NEGR1: variants seen among roughly 807,000 people sequenced by gnomAD.
NEGR1 encodes IgLON family member 4.
Under a neutral mutation model 40.9 loss-of-function variants are expected in NEGR1, and 10 were observed. That is an observed-to-expected ratio of 0.24 (90% CI 0.15 to 0.42). The LOEUF (loss-of-function observed/expected upper bound fraction) is 0.42, where lower values mean the gene tolerates loss of function less well. Among genes scored for constraint, NEGR1 ranks in the 10% least tolerant of loss-of-function variants. NEGR1 has a pLI of 1.00. For missense variants in NEGR1, 352 were observed against 438.9 expected (o/e 0.80, Z 1.77); for synonymous variants, 185 against 166.8 (o/e 1.11, Z -0.84).
intron 6 of NEGR1, among the ~76,000 whole-genome samples, chr1:71,446,793 C>T (rs771758153): frequency 1.7e-4 from 26 of 152,204 alleles, no homozygotes; most frequent in Non-Finnish European, 2.1e-4. Context: ...GAAGTCACTA[C>T]GTCCCCCTTC....
At chr1:71,438,430 C>T (rs1329398036) in intron 6 of NEGR1, among the ~76,000 whole-genome samples, 1 of 152,082 alleles carries the variant, frequency 6.6e-6, no homozygotes, top group Non-Finnish European at 1.5e-5. Flanking sequence ...GTGCTGAAAG[C>T]TACTCTGCAT....
At chr1:72,078,618 C>G (rs1000262880) in intron 1 of NEGR1, among the ~76,000 whole-genome samples, 3 of 110,876 alleles carry the variant, frequency 2.7e-5, no homozygotes, top group Non-Finnish European at 6.1e-5. Flanking sequence ...ATCATATACA[C>G]TCATATATAT....
chr1:72,079,297 A>T (rs1312535949), intron 1 of NEGR1, among the ~76,000 whole-genome samples: 1 of 151,918 alleles, frequency 6.6e-6, no homozygotes, highest in Non-Finnish European at 1.5e-5. Context: ...AAGCTTCATA[A>T]ACAACTATCC....
intron 6 of NEGR1, among the ~76,000 whole-genome samples, chr1:71,549,085 C>T (rs534854928): frequency 6.6e-6 from 1 of 151,714 alleles, no homozygotes; most frequent in South Asian, 2.1e-4. Flanking sequence ...TCAGAGAAAC[C>T]ATCTGTGTCT....
At chr1:71,421,932 A>G (rs1392909747) in intron 6 of NEGR1, among the ~76,000 whole-genome samples, 1 of 149,960 alleles carries the variant, frequency 6.7e-6, no homozygotes, top group Non-Finnish European at 1.5e-5. Flanking sequence ...TTTTTTTTTA[A>G]GACAAAGGGA....
intron 5 of NEGR1, among the ~76,000 whole-genome samples, chr1:71,600,252 T>C (rs559732051): frequency 6.6e-6 from 1 of 152,260 alleles, no homozygotes; most frequent in African/African-American, 2.4e-5. Context: ...TCCAACAGAG[T>C]GTATCATTCA....
chr1:71,504,662 T>G (rs1647020962), intron 6 of NEGR1, among the ~76,000 whole-genome samples: 1 of 152,154 alleles, frequency 6.6e-6, no homozygotes, highest in Non-Finnish European at 1.5e-5. Context: ...CGTTTTTGAT[T>G]AATACTGGAG....
At chr1:71,708,736 C>T (rs905336209) in intron 3 of NEGR1, among the ~76,000 whole-genome samples, 2 of 152,136 alleles carry the variant, frequency 1.3e-5, no homozygotes, top group African/African-American at 4.8e-5. Context: ...AGCTATTCTT[C>T]CTGATGCTCC....
chr1:71,656,273 C>G (rs769427501), intron 4 of NEGR1, among the ~76,000 whole-genome samples: 6 of 152,306 alleles, frequency 3.9e-5, no homozygotes, highest in Non-Finnish European at 7.4e-5. Flanking sequence ...GAAGGAAAGA[C>G]AGTTCTGATG....
chr1:71,988,224 C>T (rs963959119), intron 1 of NEGR1, among the ~76,000 whole-genome samples: 5 of 151,970 alleles, frequency 3.3e-5, no homozygotes, highest in Non-Finnish European at 7.4e-5. Context: ...AGAACAGAGG[C>T]CAGAGACATC....
intron 2 of NEGR1, among the ~76,000 whole-genome samples, chr1:71,784,231 G>A (rs1271449343): frequency 6.6e-6 from 1 of 152,118 alleles, no homozygotes; most frequent in African/African-American, 2.4e-5. Flanking sequence ...CCAATAGTAT[G>A]TAGTGAGTTC....
rs182081095 is a variant in NEGR1, at chr1:71,435,560, T to C, written c.941-27990A>G. 3.9e-5 allele frequency among the ~76,000 whole-genome samples: 6 copies of C among 152,096 alleles called. No individual in the cohort carries two copies. In the East Asian group the frequency reaches 5.8e-4, roughly 15 times the overall value. ...AAAAAAAAGTCACAGAGACATTTAT[T>C]AGTAAGAAAGAGAATTGAGCAGCAA... On this transcript the variant is annotated intron_variant, in intron 6 of 6. Transcript: ENST00000357731.
intron 1 of NEGR1, among the ~76,000 whole-genome samples, chr1:72,040,673 G>T (rs975058886): frequency 6.7e-5 from 10 of 149,040 alleles, no homozygotes; most frequent in Admixed American, 2.7e-4. Flanking sequence ...GTTTGTGTGT[G>T]TATGTGTATG....
chr1:71,854,943 A>G (rs1332555920), intron 2 of NEGR1, among the ~76,000 whole-genome samples: 1 of 152,092 alleles, frequency 6.6e-6, no homozygotes, highest in Non-Finnish European at 1.5e-5. Context: ...TTAGGTATCA[A>G]AACAATGTCC....
At chr1:72,051,349 T>A (rs942147194) in intron 1 of NEGR1, among the ~76,000 whole-genome samples, 3 of 151,490 alleles carry the variant, frequency 2.0e-5, no homozygotes, top group Admixed American at 2.0e-4. Flanking sequence ...TAAATATATT[T>A]GTTTTAAGCA....
At chr1:71,870,602 T>A (rs1183643526) in intron 2 of NEGR1, among the ~76,000 whole-genome samples, 1 of 152,220 alleles carries the variant, frequency 6.6e-6, no homozygotes, top group Non-Finnish European at 1.5e-5. Context: ...CTGACTCATA[T>A]TCCTAATTCC....
intron 4 of NEGR1, among the ~76,000 whole-genome samples, chr1:71,686,023 A>T (rs1209017472): frequency 3.1e-5 from 3 of 97,168 alleles, no homozygotes; most frequent in Non-Finnish European, 6.2e-5. Flanking sequence ...CCTCAAAGGC[A>T]TGAGACTCAT....
chr1:71,898,964 C>T (rs1335584846), intron 2 of NEGR1, among the ~76,000 whole-genome samples: 2 of 95,936 alleles, frequency 2.1e-5, no homozygotes, highest in Non-Finnish European at 3.8e-5. Flanking sequence ...ATATATATAG[C>T]ATATATATAT....
rs150733574 is a variant in NEGR1 at position 72,273,260 on chromosome 1, A to G, written c.176+9059T>C. ...TTTTACAATTGAGTTATTCATCCAT[A>G]TTAACAGCAAATTCTTTCTACCTCT... On this transcript the variant is annotated intron_variant, in intron 1 of 6. Transcript: ENST00000357731. Among the ~76,000 whole-genome samples, 774 of 152,112 alleles carry G rather than the reference A, an allele frequency of 5.1e-3. 4 individuals carry two copies. The highest frequency in any genetic ancestry group is 0.018 in the African/African-American group (739 of 41,530).
Sources: allele counts gnomAD v4.1 joint callset (sites outside exome capture counted in the v4.1 genomes callset), GRCh38; gene constraint gnomAD v4.1.1; transcripts MANE v1.5; gene names NCBI Gene and HGNC (gene_info 2026-07-23, HGNC 2026-07-21).